SMARCC2: variants seen among roughly 807,000 people sequenced by gnomAD.
SMARCC2 encodes the protein SWI/SNF complex subunit SMARCC2.
SMARCC2 carries 15 observed loss-of-function variants against 151.3 expected under a neutral mutation model. That is an observed-to-expected ratio of 0.10 (90% CI 0.07 to 0.15). The LOEUF (loss-of-function observed/expected upper bound fraction) is 0.15, where lower values mean the gene tolerates loss of function less well. Ranked by LOEUF, SMARCC2 falls within the 10% of genes least tolerant of loss-of-function variation. The pLI is 1.00. For synonymous variants in SMARCC2, 590 were observed against 609.5 expected, an observed-to-expected ratio of 0.97 and a Z score of 0.47; for missense variants, 1,031 against 1,599.7, an observed-to-expected ratio of 0.64 and a Z score of 6.06.
At chr12:56,181,319 C>T in intron 10 of SMARCC2, 163 bp downstream of exon 10, 1 of 646,030 alleles carries the variant, frequency 1.5e-6, no homozygotes, top group Non-Finnish European at 2.7e-6. Flanking sequence ...GAACTAACAA[C>T]TGAGCAGCTA....
In SMARCC2 at chr12:56,181,521, GA is replaced by G; in HGVS notation, c.916del (p.Ser306HisfsTer34). 1 of 1,566,210 alleles carries G rather than the reference GA, an allele frequency of 6.4e-7. No homozygotes were observed. Among genetic ancestry groups the G allele is most frequent in the Non-Finnish European group, 8.6e-7 (1 of 1,160,422 alleles). On this transcript the variant is annotated frameshift_variant, in exon 10 of 29. Transcript: ENST00000550164. LOFTEE classifies it high-confidence loss of function. ...YKKRKRSPSP[S>X]PTPEAKKKNA... ...TTTCTTCTTTGCTTCTGGGGTTGGT[GA>G]AGGAGAGGGGGAGCGCTTCCTCTTC... is the stretch of plus-strand genomic sequence containing the variant.
Position 56,181,045 on chromosome 12 carries a change from T to C in SMARCC2, c.1013A>G (p.Asp338Gly). The C allele has an allele frequency of 6.2e-7, 1 of 1,613,878 alleles. No individual in the cohort carries two copies. Among genetic ancestry groups the C allele is most frequent in the Non-Finnish European group, 8.5e-7 (1 of 1,179,904 alleles). ...GGGCTCGTCCATGTCCTTTGTCAGGTCTTCTTGCTCCTCTTCTCTGTGGCC... is the reference window on the plus strand; with the variant it reads ...GGGCTCGTCCATGTCCTTTGTCAGGCCTTCTTGCTCCTCTTCTCTGTGGCC... ...KRGHREEEQE[D>G]LTKDMDEPSP... Residue 338 changes from aspartate to glycine, a missense_variant, in exon 11 of 29, where the codon GAC becomes GGC. Asp to Gly is a moderately conservative substitution (Grantham distance 94). Transcript: ENST00000550164.
intron 22 of SMARCC2, among the ~76,000 whole-genome samples, chr12:56,170,704 T>G (rs1342132118): frequency 6.7e-6 from 1 of 148,512 alleles, no homozygotes; most frequent in Non-Finnish European, 1.5e-5. Flanking sequence ...CATGAGCCAC[T>G]GCACCCAGCC....
At chr12:56,184,506 C>T (rs985530516) in intron 5 of SMARCC2, 11 of 553,962 alleles carry the variant, frequency 2.0e-5, no homozygotes, top group East Asian at 1.2e-4. Context: ...GTCCACTGTA[C>T]ATCCTTATCA....
In SMARCC2 at chr12:56,171,486, C is replaced by A. The variant is rs931519985; in HGVS notation, c.2186-54G>T. The A allele has an allele frequency of 1.1e-5, 18 of 1,605,762 alleles. No homozygotes were observed. ...GAGCGGCACAGTGGAACAGTTCTGG[C>A]AATCCCTGCAAAAGCTTACTCACAA... is the stretch of plus-strand genomic sequence containing the variant. On this transcript the variant is annotated intron_variant, in intron 21 of 28. Coordinates refer to ENST00000550164, the MANE Select transcript of SMARCC2 (RefSeq NM_001330288.2). The surrounding 1 kb of genome is among the most constrained non-coding windows in gnomAD (Gnocchi z 4.2).
chr12:56,186,331 C>G, intron 2 of SMARCC2, 91 bp from the exon 3 acceptor site: 2 of 808,826 alleles, frequency 2.5e-6, no homozygotes, highest in Non-Finnish European at 4.1e-6. Flanking sequence ...CACAAAATCC[C>G]ATGCTGAATT....
chr12:56,179,081 TCAGA>T, intron 11 of SMARCC2, 25 bp from the exon 12 acceptor site: 1 of 1,611,464 alleles, frequency 6.2e-7, no homozygotes, highest in African/African-American at 1.3e-5. Flanking sequence ...AGTCATTTTA[TCAGA>T]CAGATTTTGC....
At chr12:56,163,946 T>C (rs900084812) in intron 28 of SMARCC2, among the ~76,000 whole-genome samples, 181 bp from the exon 29 acceptor site, 1 of 152,052 alleles carries the variant, frequency 6.6e-6, no homozygotes, top group Non-Finnish European at 1.5e-5. Flanking sequence ...GAAAAACATA[T>C]AGAAAGACTC....
At position 56,171,546 on chromosome 12, in the gene SMARCC2, G is replaced by A; in HGVS notation, c.2186-114C>T. The A allele has an allele frequency of 6.6e-7, 1 of 1,515,994 alleles. No homozygotes were observed. The highest frequency in any genetic ancestry group is 1.2e-5 in the South Asian group (1 of 81,628). 93.9% of individuals were successfully genotyped at this position (1,515,994 alleles called of 1,614,324 possible). ...TTCATCTAAGCTAGTATGGAGCCTA[G>A]ACAGGTGCCTGAGCTGAGGCCCGCA... On this transcript the variant is annotated intron_variant, in intron 21 of 28. Transcript: ENST00000550164. The surrounding 1 kb of genome is among the most constrained non-coding windows in gnomAD (Gnocchi z 4.2).
intron 2 of SMARCC2, chr12:56,186,602 G>A (rs1387119361): frequency 6.2e-5 from 15 of 241,856 alleles, no homozygotes; most frequent in African/African-American, 1.2e-4. Flanking sequence ...TGCCCGCCTC[G>A]GCCTCCCAAA....
At chr12:56,184,150 G>A (rs778144667) in intron 6 of SMARCC2, 25 bp downstream of exon 6, 1 of 1,578,146 alleles carries the variant, frequency 6.3e-7, no homozygotes, top group South Asian at 1.1e-5. Context: ...ATCCACTCAA[G>A]TGGACAGGAA....
intron 1 of SMARCC2, 77 bp downstream of exon 1, chr12:56,189,274 C>A (rs1877911653): frequency 1.2e-6 from 1 of 868,598 alleles, no homozygotes; most frequent in Non-Finnish European, 1.7e-6. Flanking sequence ...GGAGGGTAGG[C>A]AGGATCCCGG....
chr12:56,173,786 T>A lies in SMARCC2; in HGVS notation c.1560A>T (p.Pro520=). 6.2e-7 allele frequency: 1 copy of A among 1,614,042 alleles called. No homozygotes were observed. The highest frequency in any genetic ancestry group is 8.5e-7 in the Non-Finnish European group (1 of 1,179,962). The change falls in exon 17 of 29, where the codon CCA becomes CCT. Residue 520 remains proline, a synonymous_variant. Transcript: ENST00000550164. ...INYQVDAESR[P]TPMGPPPTSH... ...AGGTAGGCGGAGGCCCCATTGGGGTTGGTCGACTCTCAGCATCCACCTGGT... is the reference window on the plus strand; with the variant it reads ...AGGTAGGCGGAGGCCCCATTGGGGTAGGTCGACTCTCAGCATCCACCTGGT...
rs1421759975 is a variant in SMARCC2 at position 56,165,547 on chromosome 12, C to G, written c.3003G>C (p.Gln1001His). ...QPPPALPPGS[Q>H]PIPPTGAAGP... is the part of the protein sequence containing the mutation. ...CAGCAGCCCCTGTTGGGGGGATAGGCTGGGAGCCTGGGGGCAGGGCTGGTG... is the reference window on the plus strand; with the variant it reads ...CAGCAGCCCCTGTTGGGGGGATAGGGTGGGAGCCTGGGGGCAGGGCTGGTG... Residue 1001 changes from glutamine to histidine, a missense_variant, in exon 27 of 29, where the codon CAG (glutamine) becomes CAC (histidine). Gln to His is a conservative substitution (Grantham distance 24). Coordinates refer to ENST00000550164, the MANE Select transcript of SMARCC2 (RefSeq NM_001330288.2). 1 of 1,612,140 alleles carries G rather than the reference C, an allele frequency of 6.2e-7. No homozygotes were observed. The highest frequency in any genetic ancestry group is 2.2e-5 in the East Asian group (1 of 44,882).
intron 2 of SMARCC2, 36 bp downstream of exon 2, chr12:56,187,151 A>C: frequency 6.3e-7 from 1 of 1,581,652 alleles, no homozygotes; most frequent in Admixed American, 1.7e-5. Context: ...ATTCACCACC[A>C]CCACCCCCCA....
chr12:56,163,343 T>TA lies in SMARCC2; in HGVS notation c.*345_*346insT, dbSNP rs1872144530. The TA allele has an allele frequency of 1.2e-5, 2 of 164,116 alleles. No individual in the cohort carries two copies. Among genetic ancestry groups the TA allele is most frequent in the Non-Finnish European group, 1.3e-5 (1 of 76,206 alleles). The allele number at this position is 164,116 out of a possible 1,614,324, so 10.2% of individuals were successfully genotyped here. ...TAAAATCTACTTTTTTTTTTTTTTTTTAATCCATAGAAAATGCAGTAGTTT... is the reference window on the plus strand; with the variant it reads ...TAAAATCTACTTTTTTTTTTTTTTTTATAATCCATAGAAAATGCAGTAGTTT... On this transcript the variant is annotated 3_prime_UTR_variant, in exon 29 of 29. Transcript: ENST00000550164.
chr12:56,164,399 G>A lies in SMARCC2; in HGVS notation c.3565C>T (p.Pro1189Ser). ...PATTTMPSSL[P>S]LGPGLGSAAA... is the part of the protein sequence containing the mutation. ...GCGGATCCGAGCCCCGGCCCGAGAG[G>A]CAAGGAAGATGGCATGGTGGTGGTC... Residue 1189 changes from proline to serine, a missense_variant, in exon 28 of 29, where the codon CCT becomes TCT. By Grantham distance (74) the Pro-to-Ser change is moderately conservative. Around this residue, in one of 12 missense-constraint regions of SMARCC2, gnomAD observed 310 missense variants for 350.0 expected, o/e 0.89. Coordinates refer to ENST00000550164, the MANE Select transcript of SMARCC2 (RefSeq NM_001330288.2). 6.2e-7 allele frequency: 1 copy of A among 1,613,980 alleles called. No homozygotes were observed. The highest frequency in any genetic ancestry group is 1.1e-5 in the South Asian group (1 of 91,082).
At chr12:56,187,368 A>G (rs1877458977) in intron 1 of SMARCC2, 62 bp from the exon 2 acceptor site, 30 of 1,503,772 alleles carry the variant, frequency 2.0e-5, no homozygotes, top group Middle Eastern at 1.7e-4. Flanking sequence ...ACTATCTCCC[A>G]TATTTCTCCC....
At chr12:56,165,213 G>A (rs1047785082) in intron 27 of SMARCC2, 105 bp downstream of exon 27, 6 of 1,343,326 alleles carry the variant, frequency 4.5e-6, no homozygotes, top group Admixed American at 5.5e-5. Flanking sequence ...TGTAGAAATT[G>A]AGGCTAACCT....
Sources: allele counts gnomAD v4.1 joint callset (sites outside exome capture counted in the v4.1 genomes callset), GRCh38; gene constraint gnomAD v4.1.1; regional missense constraint gnomAD v4.1.1; non-coding constraint Gnocchi (gnomAD v3.1); transcripts MANE v1.5; gene names NCBI Gene and HGNC (gene_info 2026-07-23, HGNC 2026-07-21).